Variants in FBXO11 observed in about 807,000 individuals in gnomAD.
The protein encoded by FBXO11 is F-box only protein 11.
In FBXO11, 13 loss-of-function variants were observed where a neutral mutation model predicts 117.0. The observed-to-expected ratio is 0.11, with a 90% CI of 0.07 to 0.18. The LOEUF (loss-of-function observed/expected upper bound fraction) is 0.18, where lower values mean the gene tolerates loss of function less well. FBXO11 is among the 10% of genes least tolerant of loss of function. The pLI is 1.00. For synonymous variants in FBXO11, 490 were observed against 380.5 expected (o/e 1.29, Z -3.35); for missense variants, 767 against 1,164.4 (o/e 0.66, Z 4.97).
At chr2:47,831,993 A>T (rs1465803058) in intron 11 of FBXO11, among the ~76,000 whole-genome samples, 2 of 151,362 alleles carry the variant, frequency 1.3e-5, no homozygotes, top group Non-Finnish European at 1.5e-5. Flanking sequence ...TCTAAGCCCC[A>T]TCCTTGGAAA....
intron 1 of FBXO11, among the ~76,000 whole-genome samples, chr2:47,852,246 T>A (rs1046664899): frequency 2.0e-5 from 3 of 152,084 alleles, no homozygotes; most frequent in African/African-American, 7.2e-5. Flanking sequence ...TGCCTCGGCC[T>A]CCCAAAGTGC....
At chr2:47,905,282 G>T in intron 1 of FBXO11, 1 of 341,166 alleles carries the variant, frequency 2.9e-6, no homozygotes, top group Non-Finnish European at 4.8e-6. Flanking sequence ...CGAGAGCCCA[G>T]GCGAGAAGGG....
chr2:47,834,508 A>G, intron 7 of FBXO11, 71 bp downstream of exon 7: 2 of 1,197,526 alleles, frequency 1.7e-6, no homozygotes, highest in African/African-American at 3.1e-5. Flanking sequence ...TTAAGTCACT[A>G]GCATTTTTAA....
At chr2:47,881,623 A>G (rs1357550331) in intron 1 of FBXO11, among the ~76,000 whole-genome samples, 1 of 152,220 alleles carries the variant, frequency 6.6e-6, no homozygotes, top group Non-Finnish European at 1.5e-5. Flanking sequence ...ATGTTTAAAC[A>G]TCTTTTTCAA....
intron 1 of FBXO11, among the ~76,000 whole-genome samples, chr2:47,903,944 A>G (rs1430233899): frequency 6.6e-6 from 1 of 152,202 alleles, no homozygotes; most frequent in Non-Finnish European, 1.5e-5. Flanking sequence ...GAAATAAAAC[A>G]CTTTTACCAA....
intron 1 of FBXO11, among the ~76,000 whole-genome samples, chr2:47,899,453 G>C (rs1165879256): frequency 6.6e-6 from 1 of 151,950 alleles, no homozygotes; most frequent in Non-Finnish European, 1.5e-5. Context: ...TCATGTGCTA[G>C]GAACTTTACT....
rs1031861853 is a variant in FBXO11 at position 47,901,812 on chromosome 2, C to T, written c.232+3677G>A. ...CCTGCAGTAAAGACAATAAATTCATCAGAACGGGCTGCAAAAGCTAACTCC... is the reference window on the plus strand; with the variant it reads ...CCTGCAGTAAAGACAATAAATTCATTAGAACGGGCTGCAAAAGCTAACTCC... On this transcript the variant is annotated intron_variant, in intron 1 of 22. Coordinates refer to ENST00000403359, the MANE Select transcript of FBXO11 (RefSeq NM_001190274.2). Among the ~76,000 whole-genome samples, 3 of 152,172 alleles carry T rather than the reference C, an allele frequency of 2.0e-5. No individual in the cohort carries two copies. In the South Asian group the frequency reaches 6.2e-4, roughly 31 times the overall value.
intron 1 of FBXO11, among the ~76,000 whole-genome samples, chr2:47,858,968 G>A (rs1407675781): frequency 1.3e-5 from 2 of 149,682 alleles, no homozygotes; most frequent in Non-Finnish European, 3.0e-5. Flanking sequence ...GAATCCGGGA[G>A]GCGGAGGTCG....
rs575227506 is a variant in FBXO11, at chr2:47,810,286, A to G, written c.2338+30T>C. The G allele has an allele frequency of 6.5e-5, 93 of 1,426,948 alleles. 1 individual carries two copies. The South Asian group carries it at 1.1e-3, about 17-fold the overall frequency. 88.4% of individuals were successfully genotyped at this position (1,426,948 alleles called of 1,614,324 possible). A position where few individuals can be genotyped will look rare whatever the true frequency, so the allele number is the denominator to read the frequency against. On this transcript the variant is annotated intron_variant, in intron 19 of 22. Coordinates refer to ENST00000403359, the MANE Select transcript of FBXO11 (RefSeq NM_001190274.2). ...TCAAACACTTTGCAGAACTATATAT[A>G]AGCCACAGGTAAGAAAAGAAAATAC...
chr2:47,816,527 C>T lies in FBXO11; in HGVS notation c.2006+2252G>A, dbSNP rs775654329. Among the ~76,000 whole-genome samples the T allele has an allele frequency of 2.0e-5, 3 of 152,208 alleles. No individual in the cohort carries two copies. The Middle Eastern group carries it at 0.01, about 518-fold the overall frequency. ...GAAATCTGGAATGGTGAATCCTTTC[C>T]AGAGGTTTTCAATTTACTTTGCCCA... On this transcript the variant is annotated intron_variant, in intron 16 of 22. Coordinates refer to ENST00000403359, the MANE Select transcript of FBXO11 (RefSeq NM_001190274.2).
At chr2:47,812,478 A>G (rs1670687738) in intron 18 of FBXO11, among the ~76,000 whole-genome samples, 1 of 152,220 alleles carries the variant, frequency 6.6e-6, no homozygotes, top group Admixed American at 6.5e-5. Flanking sequence ...TGTCTTCACT[A>G]TATTTTGTGA....
chr2:47,832,179 A>C (rs1558423004), intron 11 of FBXO11, among the ~76,000 whole-genome samples, 170 bp downstream of exon 11: 1 of 152,200 alleles, frequency 6.6e-6, no homozygotes, highest in Non-Finnish European at 1.5e-5. Flanking sequence ...CTGATGCATA[A>C]ATTTACAGAA....
At chr2:47,838,371 T>C (rs918020916) in intron 4 of FBXO11, among the ~76,000 whole-genome samples, 1 of 151,824 alleles carries the variant, frequency 6.6e-6, no homozygotes, top group African/African-American at 2.4e-5. Flanking sequence ...TTTCTCATTA[T>C]TAACTAGGCT....
chr2:47,858,696 A>AAG (rs1553348600), intron 1 of FBXO11, among the ~76,000 whole-genome samples: 1 of 150,654 alleles, frequency 6.6e-6, no homozygotes, highest in Non-Finnish European at 1.5e-5. Flanking sequence ...AAAAAAAAAA[A>AAG]AAAAGAAAAG....
intron 11 of FBXO11, among the ~76,000 whole-genome samples, chr2:47,830,288 G>A (rs1672083923): frequency 1.3e-5 from 2 of 152,076 alleles, no homozygotes; most frequent in South Asian, 4.1e-4. Context: ...AATCGTGAGG[G>A]AAAGAAAGAA....
At chr2:47,834,450 T>G (rs1672411907) in intron 7 of FBXO11, 129 bp downstream of exon 7, 3 of 645,374 alleles carry the variant, frequency 4.6e-6, no homozygotes, top group Middle Eastern at 8.8e-4. Flanking sequence ...AAAATATGTG[T>G]GATATCTTCA....
chr2:47,876,328 A>G (rs1676003188), intron 1 of FBXO11, among the ~76,000 whole-genome samples: 1 of 152,212 alleles, frequency 6.6e-6, no homozygotes, highest in Non-Finnish European at 1.5e-5. Context: ...AACTTGATTT[A>G]TCAAATATTT....
intron 7 of FBXO11, among the ~76,000 whole-genome samples, chr2:47,833,831 A>AT (rs900499062): frequency 2.6e-5 from 4 of 151,202 alleles, no homozygotes; most frequent in South Asian, 4.2e-4. Context: ...CACCTGGCTA[A>AT]TTTTTTTTGT....
At chr2:47,838,634 C>T (rs539575724) in intron 4 of FBXO11, among the ~76,000 whole-genome samples, 1 of 152,300 alleles carries the variant, frequency 6.6e-6, no homozygotes, top group African/African-American at 2.4e-5. Context: ...CATAATCAAT[C>T]AGTTGCTATT....
Sources: allele counts gnomAD v4.1 joint callset (sites outside exome capture counted in the v4.1 genomes callset), GRCh38; gene constraint gnomAD v4.1.1; transcripts MANE v1.5; gene names NCBI Gene and HGNC (gene_info 2026-07-23, HGNC 2026-07-21).